Variants in EVI5 observed in about 807,000 individuals in gnomAD.
EVI5 encodes the protein ecotropic viral integration site 5.
EVI5 carries 73 observed loss-of-function variants against 112.0 expected under a neutral mutation model. The ratio of observed to expected loss-of-function variants is 0.65; its 90% CI spans 0.54 to 0.79. EVI5 has a LOEUF of 0.79. EVI5 is among the 30% of genes least tolerant of loss of function. EVI5 has a pLI of 0.00. For synonymous variants in EVI5, 305 were observed against 319.9 expected (o/e 0.95, Z 0.50); for missense variants, 900 against 968.8 (o/e 0.93, Z 0.94).
At chr1:92,550,426 C>T (rs1666601017) in intron 19 of EVI5, among the ~76,000 whole-genome samples, 1 of 151,384 alleles carries the variant, frequency 6.6e-6, no homozygotes, top group African/African-American at 2.4e-5. Flanking sequence ...AGCACACCAA[C>T]ATGGCACATG....
intron 9 of EVI5, among the ~76,000 whole-genome samples, chr1:92,683,802 T>C (rs542512909): frequency 6.6e-6 from 1 of 150,816 alleles, no homozygotes; most frequent in East Asian, 1.9e-4. Flanking sequence ...TGGAAGAAAG[T>C]GACTGAAGAT....
chr1:92,649,773 T>C (rs1017033629), intron 13 of EVI5, among the ~76,000 whole-genome samples: 1 of 152,138 alleles, frequency 6.6e-6, no homozygotes. Context: ...GATTGTGCCC[T>C]TACACTCGAG....
intron 1 of EVI5, among the ~76,000 whole-genome samples, chr1:92,751,033 C>G (rs932094117): frequency 1.3e-5 from 2 of 152,076 alleles, no homozygotes; most frequent in Non-Finnish European, 2.9e-5. Context: ...ACCTGTAGTC[C>G]CAGCTACTCA....
intron 18 of EVI5, among the ~76,000 whole-genome samples, chr1:92,581,978 C>T (rs533572670): frequency 1.7e-3 from 257 of 152,270 alleles, no homozygotes; most frequent in Non-Finnish European, 3.0e-3. Flanking sequence ...AATGTAGTCA[C>T]GACTCGCTTA....
intron 10 of EVI5, among the ~76,000 whole-genome samples, chr1:92,671,264 C>G (rs894189950): frequency 1.3e-5 from 2 of 152,160 alleles, no homozygotes; most frequent in African/African-American, 2.4e-5. Context: ...CACAAAAACT[C>G]TTCAGTATTT....
At chr1:92,654,971 T>C (rs1662761414) in intron 13 of EVI5, among the ~76,000 whole-genome samples, 1 of 152,034 alleles carries the variant, frequency 6.6e-6, no homozygotes, top group Non-Finnish European at 1.5e-5. Context: ...TTGAGAAGTA[T>C]AGGGGTTATA....
intron 1 of EVI5, among the ~76,000 whole-genome samples, chr1:92,766,554 T>C (rs1682668918): frequency 6.6e-6 from 1 of 152,200 alleles, no homozygotes. Context: ...ACCACTGTTT[T>C]GAAAAATCCT....
intron 1 of EVI5, among the ~76,000 whole-genome samples, chr1:92,747,997 C>T (rs1483830218): frequency 6.6e-6 from 1 of 152,100 alleles, no homozygotes; most frequent in African/African-American, 2.4e-5. Flanking sequence ...TTACAACAAC[C>T]CTGTTTCCAA....
At chr1:92,534,384 C>T (rs1019021136) in intron 19 of EVI5, among the ~76,000 whole-genome samples, 8 of 152,124 alleles carry the variant, frequency 5.3e-5, no homozygotes, top group African/African-American at 1.9e-4. Flanking sequence ...CAATGCTATC[C>T]CCATCAAGCT....
chr1:92,695,334 C>A lies in EVI5; in HGVS notation c.885G>T (p.Arg295Ser). The change falls in exon 7 of 20, where the codon AGG (arginine) becomes AGT (serine). Residue 295 changes from arginine to serine, a missense_variant. Transcript: ENST00000684568. ...LTTFPLPIAT[R>S]IFDIFMSEGL... ...CCTCAGACATAAAGATATCAAATATCCTTGTTGCAATTGGTAGTGGAAAAG... is the reference window on the plus strand; with the variant it reads ...CCTCAGACATAAAGATATCAAATATACTTGTTGCAATTGGTAGTGGAAAAG... The A allele has an allele frequency of 6.2e-7, 1 of 1,611,928 alleles. No homozygotes were observed. The highest frequency in any genetic ancestry group is 1.1e-5 in the South Asian group (1 of 90,828).
intron 5 of EVI5, among the ~76,000 whole-genome samples, chr1:92,701,661 T>A (rs1205059955): frequency 6.6e-6 from 1 of 152,026 alleles, no homozygotes; most frequent in Non-Finnish European, 1.5e-5. Flanking sequence ...CAAAGTTATA[T>A]CCCTAGGGGG....
At chr1:92,589,563 G>T (rs1022815836) in intron 18 of EVI5, among the ~76,000 whole-genome samples, 1 of 152,184 alleles carries the variant, frequency 6.6e-6, no homozygotes, top group South Asian at 2.1e-4. Flanking sequence ...CAGCGAGGCT[G>T]GGGGAGGGGC....
At chr1:92,645,600 C>A (rs1013262318) in intron 13 of EVI5, among the ~76,000 whole-genome samples, 9 of 152,122 alleles carry the variant, frequency 5.9e-5, no homozygotes, top group African/African-American at 2.4e-5. Flanking sequence ...TTGGGACCAA[C>A]CTTATTTCTA....
intron 19 of EVI5, among the ~76,000 whole-genome samples, chr1:92,534,779 G>T (rs994175724): frequency 1.3e-5 from 2 of 152,066 alleles, no homozygotes; most frequent in Non-Finnish European, 2.9e-5. Flanking sequence ...AACTCACGAT[G>T]GATTAAAGAC....
intron 1 of EVI5, among the ~76,000 whole-genome samples, chr1:92,754,811 G>T (rs941278047): frequency 6.6e-6 from 1 of 152,138 alleles, no homozygotes; most frequent in Non-Finnish European, 1.5e-5. Context: ...TTCAACATGG[G>T]AAGAAAGCGC....
At chr1:92,561,613 CTAT>C (rs1557790327) in intron 19 of EVI5, among the ~76,000 whole-genome samples, 3 of 25,718 alleles carry the variant, frequency 1.2e-4, no homozygotes, top group African/African-American at 5.0e-4. Context: ...TCTATCCTAT[CTAT>C]CTATCTATCT....
intron 18 of EVI5, 29 bp from the exon 19 acceptor site, chr1:92,563,766 A>C: frequency 7.0e-7 from 1 of 1,431,212 alleles, no homozygotes; most frequent in Non-Finnish European, 9.8e-7. Context: ...ACAAAGCAAA[A>C]ACAAGAGGCA....
intron 1 of EVI5, among the ~76,000 whole-genome samples, chr1:92,747,194 T>C (rs902696709): frequency 1.8e-4 from 27 of 152,266 alleles, no homozygotes; most frequent in African/African-American, 5.5e-4. Context: ...ATTTACATTG[T>C]ATTAGGTATC....
chr1:92,634,781 T>C (rs918165228), intron 14 of EVI5, among the ~76,000 whole-genome samples: 3 of 152,232 alleles, frequency 2.0e-5, no homozygotes, highest in African/African-American at 7.2e-5. Context: ...TCAGTTTTTC[T>C]GCTCTGTTTT....
Sources: gnomAD v4.1 joint callset for allele counts (sites outside exome capture counted in the v4.1 genomes callset) on GRCh38, gnomAD v4.1.1 for gene constraint, MANE v1.5 for transcripts, NCBI Gene and HGNC (gene_info 2026-07-23, HGNC 2026-07-21) for gene names.